The following CENPP variants were observed in gnomAD, a reference collection of about 807,000 sequenced individuals.
The protein encoded by CENPP is centromere protein P.
A neutral mutation model predicts 35.6 loss-of-function variants in CENPP; 24 were observed. The observed-to-expected ratio is 0.67, with a 90% confidence interval of 0.49 to 0.95. The LOEUF is 0.95. CENPP is among the 40% of genes least tolerant of loss of function. The pLI is 0.00. For missense variants in CENPP, 332 were observed against 345.3 expected (o/e 0.96, Z 0.31); for synonymous variants, 120 against 125.5 (o/e 0.96, Z 0.29).
At chr9:92,339,428 G>T in intron 3 of CENPP, among the ~76,000 whole-genome samples, 1 of 152,166 alleles carries the variant, frequency 6.6e-6, no homozygotes, top group East Asian at 1.9e-4. Context: ...TGCAATCCAA[G>T]TCTCCATTTG....
chr9:92,494,194 ATC>A, intron 5 of CENPP: 1 of 1,578,698 alleles, frequency 6.3e-7, no homozygotes, highest in Non-Finnish European at 8.6e-7. Context: ...ATCGTTTAGT[ATC>A]TGTCTCTGTG....
intron 5 of CENPP, among the ~76,000 whole-genome samples, chr9:92,450,236 C>G (rs1844667795): frequency 8.6e-6 from 1 of 115,636 alleles, no homozygotes; most frequent in Non-Finnish European, 1.7e-5. Flanking sequence ...CTAAAGCTAT[C>G]CCTCCCCCCT....
intron 5 of CENPP, chr9:92,522,471 T>A (rs1300579863): frequency 4.3e-5 from 51 of 1,179,270 alleles, no homozygotes; most frequent in Non-Finnish European, 5.6e-5. Flanking sequence ...TAGAAAATTA[T>A]CTTCATGGAG....
At chr9:92,331,299 G>A (rs1840738032) in intron 1 of CENPP, among the ~76,000 whole-genome samples, 4 of 152,112 alleles carry the variant, frequency 2.6e-5, no homozygotes, top group Admixed American at 2.6e-4. Context: ...TCCTGCCTCA[G>A]CCTCCCGAGT....
intron 5 of CENPP, chr9:92,393,090 G>A (rs756742479): frequency 3.7e-6 from 6 of 1,612,748 alleles, no homozygotes; most frequent in Non-Finnish European, 4.2e-6. Context: ...ACTTACGTAT[G>A]TCTGCAAAAT....
chr9:92,555,213 A>ATT (rs1564001474), intron 5 of CENPP, among the ~76,000 whole-genome samples: 2 of 110,022 alleles, frequency 1.8e-5, no homozygotes, highest in Non-Finnish European at 3.7e-5. Flanking sequence ...TTTTTTTGGA[A>ATT]ATTTTTTTTT....
chr9:92,368,899 T>A (rs1158552199), intron 4 of CENPP, among the ~76,000 whole-genome samples: 2 of 151,960 alleles, frequency 1.3e-5, no homozygotes. Flanking sequence ...GAAAAACATT[T>A]TCCAGGTCTG....
At chr9:92,611,857 T>C (rs1851264195) in intron 6 of CENPP, among the ~76,000 whole-genome samples, 1 of 152,230 alleles carries the variant, frequency 6.6e-6, no homozygotes, top group African/African-American at 2.4e-5. Context: ...GCTGTGCATG[T>C]GTGGACATGT....
rs1358635793 is a variant in CENPP at position 92,532,020 on chromosome 9, TTTTTTTTTATTTTA to T, written c.565-79285_565-79272del. 5.3e-3 allele frequency among the ~76,000 whole-genome samples: 674 copies of T among 127,496 alleles called. 158 individuals carry two copies. The highest frequency in any genetic ancestry group is 0.021 in the African/African-American group (579 of 27,854). 83.6% of individuals were successfully genotyped at this position (127,496 alleles called of 152,430 possible). On this transcript the variant is annotated intron_variant, in intron 5 of 7. Transcript: ENST00000375587. ...TTTTTCTTTTTTTATTTAATGTTTT[TTTTTTTTTATTTTA>T]TTTTTTTTTTGAGATGAGGTCTCAC...
chr9:92,569,463 A>G (rs1308005510), intron 5 of CENPP, among the ~76,000 whole-genome samples: 1 of 152,188 alleles, frequency 6.6e-6, no homozygotes, highest in Non-Finnish European at 1.5e-5. Context: ...TACCAGTACC[A>G]TGCTGTTTGG....
At chr9:92,360,996 C>T (rs1044162683) in intron 4 of CENPP, among the ~76,000 whole-genome samples, 8 of 152,182 alleles carry the variant, frequency 5.3e-5, no homozygotes, top group East Asian at 1.9e-4. Context: ...CGTGAGCCCC[C>T]GCCCCCGGCC....
At chr9:92,563,474 C>T (rs1428796803) in intron 5 of CENPP, among the ~76,000 whole-genome samples, 1 of 152,086 alleles carries the variant, frequency 6.6e-6, no homozygotes, top group Admixed American at 6.6e-5. Context: ...CTATTAGAGT[C>T]AATAGTCTAT....
intron 5 of CENPP, among the ~76,000 whole-genome samples, chr9:92,395,159 C>T (rs1842845094): frequency 6.6e-6 from 1 of 152,218 alleles, no homozygotes; most frequent in South Asian, 2.1e-4. Flanking sequence ...ACATACCTGT[C>T]ACTCCAAAAA....
At chr9:92,563,370 C>T (rs891709664) in intron 5 of CENPP, among the ~76,000 whole-genome samples, 14 of 152,178 alleles carry the variant, frequency 9.2e-5, no homozygotes, top group Non-Finnish European at 1.9e-4. Context: ...CCAAACAGTA[C>T]ATAAATTCTT....
At chr9:92,352,802 G>A (rs117812165) in intron 4 of CENPP, among the ~76,000 whole-genome samples, 3,975 of 151,724 alleles carry the variant, frequency 0.026, 64 homozygotes, top group Non-Finnish European at 0.042. Flanking sequence ...TTAAGGGTGA[G>A]TCTGCCTTCT....
At chr9:92,539,344 C>CCCCCCCACCCCCCA (rs1849263403) in intron 5 of CENPP, among the ~76,000 whole-genome samples, 22 of 126,344 alleles carry the variant, frequency 1.7e-4, no homozygotes, top group African/African-American at 6.1e-4. Context: ...CCTTCCCCCG[C>CCCCCCCACCCCCCA]TCCCCCACCC....
At chr9:92,609,384 C>A (rs16908471) in intron 5 of CENPP, among the ~76,000 whole-genome samples, 2,410 of 152,362 alleles carry the variant, frequency 0.016, 193 homozygotes, top group Admixed American at 0.13. Context: ...CGGCAAGTCT[C>A]TGGAGCAGCA....
intron 5 of CENPP, chr9:92,514,795 A>G (rs759968032): frequency 2.5e-6 from 4 of 1,613,846 alleles, no homozygotes; most frequent in African/African-American, 1.3e-5. Flanking sequence ...CATTCGGAAC[A>G]TATCTCCTCT....
chr9:92,371,010 A>G (rs1841993341), intron 4 of CENPP, among the ~76,000 whole-genome samples: 1 of 151,968 alleles, frequency 6.6e-6, no homozygotes, highest in East Asian at 1.9e-4. Context: ...TAGTCTAGCT[A>G]GTGGTTTGTC....
Sources: allele counts gnomAD v4.1 joint callset (sites outside exome capture counted in the v4.1 genomes callset), GRCh38; gene constraint gnomAD v4.1.1; transcripts MANE v1.5; gene names NCBI Gene and HGNC (gene_info 2026-07-23, HGNC 2026-07-21).